Variants in NAA20 observed in about 807,000 individuals in gnomAD.
The protein encoded by NAA20 is N-alpha-acetyltransferase 20, NatB catalytic subunit, also known as N-alpha-acetyltransferase 20.
NAA20 carries 24 observed loss-of-function variants against 23.8 expected under a neutral mutation model. That is an observed-to-expected ratio of 1.01 (90% CI 0.73 to 1.42). The LOEUF is 1.42. Ranked by LOEUF, NAA20 falls within the 40% of genes most tolerant of loss-of-function variation. The pLI, the probability that NAA20 is intolerant of heterozygous loss-of-function variation, is 0.00. For missense variants in NAA20, 166 were observed against 223.1 expected (o/e 0.74, Z 1.63); for synonymous variants, 83 against 77.7 (o/e 1.07, Z -0.36).
rs1288196321 is a variant in NAA20 at position 20,032,562 on chromosome 20, T to A, written c.360T>A (p.Val120=). 10 of 1,613,568 alleles carry A rather than the reference T, an allele frequency of 6.2e-6. No homozygotes were observed. Among genetic ancestry groups the A allele is most frequent in the East Asian group, 2.2e-5 (1 of 44,856 alleles). Residue 120 remains valine (V), a synonymous_variant, in exon 5 of 6, where the codon GTT becomes GTA. Transcript: ENST00000334982. ...TAAGAGTATCTAACCAAGTTGCAGT[T>A]AACATGTACAAGCAGTTGGGCTACA... The part of the protein sequence containing the change: ...LFVRVSNQVA[V]NMYKQLGYSV...
rs1409132116 is a variant in NAA20 at position 20,033,551 on chromosome 20, TGA to T, written c.*365_*366del. The T allele has an allele frequency of 8.2e-5, 14 of 171,384 alleles. No homozygotes were observed. Among genetic ancestry groups the T allele is most frequent in the African/African-American group, 2.8e-4 (12 of 42,180 alleles). The allele number at this position is 171,384 out of a possible 1,614,324, so 10.6% of individuals were successfully genotyped here. ...ATATATTTGTTTTTAAATTTTGTAT[TGA>T]ACTGTTAATTGAAGCTTTAAAAGCA... On this transcript the variant is annotated 3_prime_UTR_variant, in exon 6 of 6. Transcript: ENST00000334982.
chr20:20,030,750 T>G (rs2043338231), intron 4 of NAA20, among the ~76,000 whole-genome samples: 1 of 152,016 alleles, frequency 6.6e-6, no homozygotes, highest in African/African-American at 2.4e-5. Flanking sequence ...ACAGATATGA[T>G]TATACAAATA....
chr20:20,026,131 C>T (rs1568747594), intron 3 of NAA20, among the ~76,000 whole-genome samples: 1 of 152,122 alleles, frequency 6.6e-6, no homozygotes, highest in Non-Finnish European at 1.5e-5. Context: ...TGGTGAAAGC[C>T]TGCCTCTACT....
At chr20:20,024,422 A>C (rs754901563) in intron 2 of NAA20, among the ~76,000 whole-genome samples, 7 of 152,198 alleles carry the variant, frequency 4.6e-5, no homozygotes, top group Non-Finnish European at 1.0e-4. Flanking sequence ...TACATATCAG[A>C]AACAAAACTG....
chr20:20,017,788 C>G, intron 1 of NAA20: 2 of 1,439,656 alleles, frequency 1.4e-6, no homozygotes, highest in Admixed American at 2.8e-5. Context: ...GCTGGAGACG[C>G]GGCCTGGAGC....
At chr20:20,032,050 GT>G (rs1482397859) in intron 4 of NAA20, among the ~76,000 whole-genome samples, 1 of 148,752 alleles carries the variant, frequency 6.7e-6, no homozygotes, top group Admixed American at 6.6e-5. Context: ...AGCATCGTTT[GT>G]ATAGTAAAAG....
chr20:20,030,869 C>G (rs2043339263), intron 4 of NAA20, among the ~76,000 whole-genome samples: 1 of 151,828 alleles, frequency 6.6e-6, no homozygotes, highest in Non-Finnish European at 1.5e-5. Context: ...TATATATAAA[C>G]AGTAAAATTT....
intron 2 of NAA20, chr20:20,022,769 C>A: frequency 3.2e-6 from 1 of 308,570 alleles, no homozygotes; most frequent in Non-Finnish European, 5.9e-6. Flanking sequence ...CCAGAAAGCA[C>A]AGTGACTTCA....
chr20:20,017,326 C>T (rs1203384868), upstream of NAA20: 3 of 1,593,282 alleles, frequency 1.9e-6, no homozygotes, highest in East Asian at 4.5e-5. Context: ...GCGGCGGCCA[C>T]GCTCCGGGAG....
intron 2 of NAA20, among the ~76,000 whole-genome samples, chr20:20,024,416 T>G (rs2043293443): frequency 1.3e-5 from 2 of 152,190 alleles, no homozygotes; most frequent in Non-Finnish European, 1.5e-5. Context: ...CAGGACTACA[T>G]ATCAGAAACA....
Position 20,033,401 on chromosome 20 carries a change from A to T in NAA20, c.*214A>T, listed in dbSNP as rs2043362881. 8.8e-6 allele frequency: 4 copies of T among 455,530 alleles called. No homozygotes were observed. The highest frequency in any genetic ancestry group is 1.6e-5 in the Non-Finnish European group (4 of 255,614). The allele number at this position is 455,530 out of a possible 1,614,324, so 28.2% of individuals were successfully genotyped here. On this transcript the variant is annotated 3_prime_UTR_variant, in exon 6 of 6. Coordinates refer to ENST00000334982, the MANE Select transcript of NAA20 (RefSeq NM_016100.5). ...CTGTTCATTGTAACAAAATTCAATC[A>T]AAAAGGCAGCTAGGTCAGAAGGAAA...
chr20:20,027,690 T>C (rs556221421), intron 4 of NAA20, among the ~76,000 whole-genome samples: 1 of 152,282 alleles, frequency 6.6e-6, no homozygotes, highest in South Asian at 2.1e-4. Flanking sequence ...CTTTGGTGGC[T>C]GTATGAGTTT....
chr20:20,018,056 G>A (rs1289040463), intron 1 of NAA20: 2 of 1,614,212 alleles, frequency 1.2e-6, no homozygotes, highest in Non-Finnish European at 1.7e-6. Context: ...GTGTTTGCAA[G>A]TTTAGTTACT....
chr20:20,018,035 A>G, intron 1 of NAA20: 2 of 1,614,226 alleles, frequency 1.2e-6, no homozygotes, highest in African/African-American at 1.3e-5. Flanking sequence ...ATGCTGTCTC[A>G]GTCATGGTTA....
rs146606697 is a variant in NAA20 at position 20,026,981 on chromosome 20, T to G, written c.305+62T>G. 6.7e-5 allele frequency: 108 copies of G among 1,601,050 alleles called. 1 individual carries two copies. In the East Asian group the frequency reaches 1.7e-3, roughly 25 times the overall value. On this transcript the variant is annotated intron_variant, in intron 4 of 5. Coordinates refer to ENST00000334982, the MANE Select transcript of NAA20 (RefSeq NM_016100.5). ...TGGACCCCTAACCATTTTCTTCCCCTTCAGGCTGAATAACTGTCATGCTTT... is the reference window on the plus strand; with the variant it reads ...TGGACCCCTAACCATTTTCTTCCCCGTCAGGCTGAATAACTGTCATGCTTT...
chr20:20,024,488 A>T (rs143238023), intron 2 of NAA20, among the ~76,000 whole-genome samples: 1 of 151,580 alleles, frequency 6.6e-6, no homozygotes, highest in African/African-American at 2.4e-5. Context: ...AATTACGACT[A>T]ATGATATCAC....
rs78839366 is a variant in NAA20, at chr20:20,033,382, A to G, written c.*195A>G. The G allele has an allele frequency of 1.8e-3, 895 of 485,002 alleles. 9 individuals are homozygous for G. Among genetic ancestry groups the G allele is most frequent in the African/African-American group, 0.016 (824 of 51,912 alleles). The allele number at this position is 485,002 out of a possible 1,614,324, so 30.0% of individuals were successfully genotyped here. On this transcript the variant is annotated 3_prime_UTR_variant, in exon 6 of 6. Coordinates refer to ENST00000334982, the MANE Select transcript of NAA20 (RefSeq NM_016100.5). ...AATATCATACCTATTAAAGCTGTTC[A>G]TTGTAACAAAATTCAATCAAAAAGG...
At chr20:20,030,044 A>G (rs998769480) in intron 4 of NAA20, among the ~76,000 whole-genome samples, 2 of 152,192 alleles carry the variant, frequency 1.3e-5, no homozygotes, top group Non-Finnish European at 2.9e-5. Flanking sequence ...TCTCTGGCCA[A>G]TTTTACTAAA....
intron 3 of NAA20, among the ~76,000 whole-genome samples, chr20:20,026,159 G>C (rs965870148): frequency 1.3e-5 from 2 of 152,138 alleles, no homozygotes; most frequent in Non-Finnish European, 2.9e-5. Context: ...CAAAAAATTA[G>C]CTGGGCGTGG....
Sources: allele counts gnomAD v4.1 joint callset (sites outside exome capture counted in the v4.1 genomes callset), GRCh38; gene constraint gnomAD v4.1.1; transcripts MANE v1.5; gene names NCBI Gene and HGNC (gene_info 2026-07-23, HGNC 2026-07-21).